NBEAL1: variants seen among roughly 807,000 people sequenced by gnomAD.
NBEAL1 encodes neurobeachin-like protein 1.
A neutral mutation model predicts 351.3 loss-of-function variants in NBEAL1; 273 were observed. The ratio of observed to expected loss-of-function variants is 0.78; its 90% confidence interval spans 0.70 to 0.86. NBEAL1 has a LOEUF of 0.86. Among genes scored for constraint, NBEAL1 ranks in the 40% least tolerant of loss-of-function variants. NBEAL1 has a pLI of 0.00. For missense variants in NBEAL1, 2,961 were observed against 3,201.3 expected (o/e 0.92, Z 1.81); for synonymous variants, 1,050 against 1,086.4 (o/e 0.97, Z 0.66).
At chr2:203,043,826 A>G (rs1255685440) in intron 3 of NBEAL1, among the ~76,000 whole-genome samples, 1 of 152,026 alleles carries the variant, frequency 6.6e-6, no homozygotes, top group Non-Finnish European at 1.5e-5. Context: ...TTCAAGGAGG[A>G]AAAGTGTTTG....
chr2:203,148,869 A>T, intron 33 of NBEAL1, 122 bp from the exon 34 acceptor site: 1 of 714,404 alleles, frequency 1.4e-6, no homozygotes. Flanking sequence ...CCTATTGGTT[A>T]CTTAGCTTCT....
chr2:203,085,017 T>G (rs549819867), intron 10 of NBEAL1: 1 of 155,408 alleles, frequency 6.4e-6, no homozygotes, highest in African/African-American at 2.4e-5. Flanking sequence ...GGGAGTGTTA[T>G]ATAAAACATG....
Position 203,167,307 on chromosome 2 carries a change from C to G in NBEAL1, c.5944C>G (p.Leu1982Val). The change falls in exon 38 of 56, where the codon CTT (leucine) becomes GTT (valine). Residue 1982 changes from leucine to valine, a missense_variant. Transcript: ENST00000683969. ...GCGTTACAATTTAAGAAGATCAGCC[C>G]TTGAGATTTTTCATGTTGACCAATC... ...LRRYNLRRSA[L>V]EIFHVDQSNY... 6.2e-7 allele frequency: 1 copy of G among 1,612,878 alleles called. No homozygotes were observed. Among genetic ancestry groups the G allele is most frequent in the Non-Finnish European group, 8.5e-7 (1 of 1,179,468 alleles).
intron 6 of NBEAL1, among the ~76,000 whole-genome samples, chr2:203,066,218 T>C (rs1327267186): frequency 6.6e-6 from 1 of 152,230 alleles, no homozygotes; most frequent in African/African-American, 2.4e-5. Context: ...ATAGGTTGTT[T>C]GGATAGGATA....
At chr2:203,057,247 G>T in intron 5 of NBEAL1, 79 bp from the exon 6 acceptor site, 1 of 1,274,826 alleles carries the variant, frequency 7.8e-7, no homozygotes, top group Non-Finnish European at 1.1e-6. Flanking sequence ...GGGAAAGTTT[G>T]GCTTGTTTGA....
chr2:203,156,074 A>G (rs13426445), intron 35 of NBEAL1, among the ~76,000 whole-genome samples: 47,953 of 151,980 alleles, frequency 0.32, 8,156 homozygotes, highest in East Asian at 0.61. Flanking sequence ...CTTTTCTCAT[A>G]TGTGTATTCC....
intron 3 of NBEAL1, among the ~76,000 whole-genome samples, chr2:203,045,846 A>G (rs1174536467): frequency 1.3e-5 from 2 of 152,204 alleles, no homozygotes; most frequent in East Asian, 1.9e-4. Context: ...AGATTTGGGC[A>G]TTTTTCTTAA....
At chr2:203,041,913 G>C in intron 3 of NBEAL1, 57 bp downstream of exon 3, 3 of 1,101,354 alleles carry the variant, frequency 2.7e-6, no homozygotes, top group Non-Finnish European at 4.1e-6. Context: ...TTGGCACAAA[G>C]ATTTCATTGA....
chr2:203,133,784 C>T (rs1052211827), intron 27 of NBEAL1, among the ~76,000 whole-genome samples: 3 of 150,764 alleles, frequency 2.0e-5, no homozygotes, highest in African/African-American at 4.9e-5. Flanking sequence ...CATATATACA[C>T]ACACATATAT....
intron 2 of NBEAL1, among the ~76,000 whole-genome samples, chr2:203,021,914 G>A (rs1417344957): frequency 6.6e-6 from 1 of 152,024 alleles, no homozygotes; most frequent in African/African-American, 2.4e-5. Context: ...AGCCAGGCAC[G>A]GTGGCGGGCA....
intron 51 of NBEAL1, among the ~76,000 whole-genome samples, chr2:203,206,161 A>G (rs2065549711): frequency 6.6e-6 from 1 of 152,224 alleles, no homozygotes; most frequent in East Asian, 1.9e-4. Context: ...TGGAAGATCA[A>G]ACATGAAATG....
At chr2:203,209,446 A>G in intron 53 of NBEAL1, 124 bp downstream of exon 53, 1 of 724,596 alleles carries the variant, frequency 1.4e-6, no homozygotes, top group Admixed American at 2.7e-5. Context: ...TTTTTCTTTC[A>G]TCATTCAGTT....
intron 2 of NBEAL1, among the ~76,000 whole-genome samples, chr2:203,016,959 T>C (rs2060691383): frequency 6.6e-6 from 1 of 152,164 alleles, no homozygotes; most frequent in African/African-American, 2.4e-5. Context: ...TCATCCCCTT[T>C]TACTGATGGG....
intron 4 of NBEAL1, among the ~76,000 whole-genome samples, chr2:203,053,629 T>TC (rs1438122822): frequency 3.3e-5 from 5 of 151,866 alleles, no homozygotes; most frequent in Admixed American, 2.6e-4. Flanking sequence ...CTTCTTCAGT[T>TC]CCCCCCACCC....
chr2:203,154,908 C>G (rs533086356), intron 35 of NBEAL1, among the ~76,000 whole-genome samples: 14 of 134,560 alleles, frequency 1.0e-4, no homozygotes, highest in Admixed American at 8.5e-4. Context: ...GCACTCCAGC[C>G]TGGGCAACAG....
At chr2:203,175,073 A>G in intron 41 of NBEAL1, 74 bp from the exon 42 acceptor site, 1 of 1,272,294 alleles carries the variant, frequency 7.9e-7, no homozygotes, top group Non-Finnish European at 1.1e-6. Flanking sequence ...ATTTTCAGAA[A>G]TAAAATACAA....
chr2:203,057,942 C>T (rs762112235), intron 6 of NBEAL1, among the ~76,000 whole-genome samples: 2 of 151,128 alleles, frequency 1.3e-5, no homozygotes, highest in Admixed American at 6.6e-5. Flanking sequence ...CTCCCAGGTT[C>T]GAGCAGTACT....
chr2:203,137,853 G>A (rs2063255934), intron 29 of NBEAL1, among the ~76,000 whole-genome samples: 1 of 151,816 alleles, frequency 6.6e-6, no homozygotes, highest in Non-Finnish European at 1.5e-5. Context: ...GCATGGTGGT[G>A]CATGCCTGTA....
chr2:203,177,015 G>A (rs1490571239), intron 42 of NBEAL1, among the ~76,000 whole-genome samples: 5 of 151,848 alleles, frequency 3.3e-5, no homozygotes, highest in Non-Finnish European at 7.4e-5. Context: ...GTCGGGTGTG[G>A]TGGTGTGCAC....
Sources: gnomAD v4.1 joint callset for allele counts (sites outside exome capture counted in the v4.1 genomes callset) on GRCh38, gnomAD v4.1.1 for gene constraint, MANE v1.5 for transcripts, NCBI Gene and HGNC (gene_info 2026-07-23, HGNC 2026-07-21) for gene names.